KCNH7: variants seen among roughly 807,000 people sequenced by gnomAD.
KCNH7 encodes the protein potassium voltage-gated channel subfamily H member 7.
KCNH7 carries 49 observed loss-of-function variants against 120.8 expected under a neutral mutation model. That is an observed-to-expected ratio of 0.41 (90% CI 0.32 to 0.51). The LOEUF is 0.51. KCNH7 is among the 20% of genes least tolerant of loss of function. The probability of loss-of-function intolerance (pLI) is 0.38; values close to 1 mark genes in which losing one functional copy is unlikely to be tolerated. For synonymous variants in KCNH7, 547 were observed against 516.1 expected, an observed-to-expected ratio of 1.06 and a Z score of -0.81; for missense variants, 1,097 against 1,446.6, an observed-to-expected ratio of 0.76 and a Z score of 3.92.
intron 2 of KCNH7, among the ~76,000 whole-genome samples, chr2:162,559,987 C>A (rs973974552): frequency 2.0e-5 from 3 of 152,098 alleles, no homozygotes; most frequent in African/African-American, 7.2e-5. Flanking sequence ...AGTGGGCATT[C>A]GTATTAGTTT....
chr2:162,381,812 G>T lies in KCNH7; in HGVS notation c.2963-1791C>A, dbSNP rs75684050. Among the ~76,000 whole-genome samples the T allele has an allele frequency of 2.2e-3, 338 of 152,188 alleles. 1 individual carries two copies. Among genetic ancestry groups the T allele is most frequent in the Non-Finnish European group, 4.0e-3 (269 of 67,986 alleles). On this transcript the variant is annotated intron_variant, in intron 13 of 15. Coordinates refer to ENST00000332142, the MANE Select transcript of KCNH7 (RefSeq NM_033272.4). Reference sequence around the variant, plus strand: ...TGCTGGAGTTTTAAGTCACTTATCTGCAGATTTTCACTGAGAAGTATGATT... The same window carrying T: ...TGCTGGAGTTTTAAGTCACTTATCTTCAGATTTTCACTGAGAAGTATGATT...
chr2:162,484,849 A>C (rs999961648), intron 6 of KCNH7, among the ~76,000 whole-genome samples: 19 of 152,210 alleles, frequency 1.2e-4, no homozygotes, highest in African/African-American at 4.6e-4. Context: ...ATCTCTGTGC[A>C]TGTTGGCTCC....
At chr2:162,547,364 A>G (rs1319399071) in intron 2 of KCNH7, among the ~76,000 whole-genome samples, 1 of 152,164 alleles carries the variant, frequency 6.6e-6, no homozygotes, top group Non-Finnish European at 1.5e-5. Context: ...TCTGAGGCTG[A>G]AGGAGAGCAT....
intron 2 of KCNH7, among the ~76,000 whole-genome samples, chr2:162,641,903 A>G (rs1179948372): frequency 6.6e-6 from 1 of 152,116 alleles, no homozygotes; most frequent in Non-Finnish European, 1.5e-5. Context: ...AAATATGAAC[A>G]TAGAGTCTGA....
intron 12 of KCNH7, among the ~76,000 whole-genome samples, chr2:162,389,888 G>A (rs1056660526): frequency 2.0e-5 from 3 of 151,900 alleles, no homozygotes; most frequent in African/African-American, 7.2e-5. Context: ...CAATTCAGAG[G>A]GAATTTCTAT....
chr2:162,584,902 T>G (rs986879721), intron 2 of KCNH7, among the ~76,000 whole-genome samples: 1 of 99,738 alleles, frequency 1.0e-5, no homozygotes, highest in African/African-American at 4.7e-5. Flanking sequence ...AATCCCCAGC[T>G]TTTTTTTTTT....
intron 2 of KCNH7, among the ~76,000 whole-genome samples, chr2:162,625,877 A>G (rs563023431): frequency 1.3e-5 from 2 of 152,100 alleles, no homozygotes; most frequent in African/African-American, 4.8e-5. Context: ...CACCTGGGGG[A>G]AAGAGACTTC....
At chr2:162,788,785 C>T (rs770776816) in intron 2 of KCNH7, among the ~76,000 whole-genome samples, 2 of 151,428 alleles carry the variant, frequency 1.3e-5, no homozygotes, top group African/African-American at 2.4e-5. Flanking sequence ...GTAAATTACC[C>T]CAAATAGATC....
intron 8 of KCNH7, among the ~76,000 whole-genome samples, chr2:162,428,010 C>T (rs1019852185): frequency 6.6e-6 from 1 of 151,618 alleles, no homozygotes; most frequent in Non-Finnish European, 1.5e-5. Context: ...GACTTCTGCT[C>T]TTATATCTAT....
At chr2:162,598,713 A>G (rs1440855258) in intron 2 of KCNH7, among the ~76,000 whole-genome samples, 1 of 152,162 alleles carries the variant, frequency 6.6e-6, no homozygotes, top group Admixed American at 6.6e-5. Context: ...AGATTAGGTC[A>G]AAAGTTCTTT....
chr2:162,608,792 T>C (rs1682865926), intron 2 of KCNH7, among the ~76,000 whole-genome samples: 1 of 152,196 alleles, frequency 6.6e-6, no homozygotes. Flanking sequence ...GTCTACCTCA[T>C]ACACCTGGCA....
chr2:162,381,754 C>T (rs947814330), intron 13 of KCNH7, among the ~76,000 whole-genome samples: 1 of 152,034 alleles, frequency 6.6e-6, no homozygotes, highest in Non-Finnish European at 1.5e-5. Flanking sequence ...TTTTATGAAA[C>T]ATGGCAAAAT....
At chr2:162,757,629 T>G (rs983753090) in intron 2 of KCNH7, among the ~76,000 whole-genome samples, 1 of 152,104 alleles carries the variant, frequency 6.6e-6, no homozygotes, top group African/African-American at 2.4e-5. Context: ...GGAACTGCCA[T>G]GCACAGATAC....
chr2:162,755,597 G>A (rs1050901538), intron 2 of KCNH7, among the ~76,000 whole-genome samples: 19 of 152,132 alleles, frequency 1.2e-4, no homozygotes, highest in Non-Finnish European at 1.2e-4. Flanking sequence ...CTGTGTGATC[G>A]TGGGCTTTAT....
intron 2 of KCNH7, among the ~76,000 whole-genome samples, chr2:162,690,725 A>G (rs971374111): frequency 6.2e-5 from 7 of 113,098 alleles, no homozygotes; most frequent in Admixed American, 1.5e-4. Context: ...GAAGGAAGGG[A>G]AGCAATATAC....
chr2:162,777,271 G>T (rs1683276181), intron 2 of KCNH7, among the ~76,000 whole-genome samples: 1 of 151,928 alleles, frequency 6.6e-6, no homozygotes, highest in African/African-American at 2.4e-5. Flanking sequence ...ACATGACCTA[G>T]GCATATCCTG....
At chr2:162,600,779 C>T (rs73026691) in intron 2 of KCNH7, among the ~76,000 whole-genome samples, 4,273 of 152,136 alleles carry the variant, frequency 0.028, 223 homozygotes, top group African/African-American at 0.098. Flanking sequence ...TTCTGGGTCC[C>T]TGTTTTGTTA....
intron 8 of KCNH7, among the ~76,000 whole-genome samples, chr2:162,429,406 A>C (rs1358670570): frequency 3.8e-5 from 1 of 26,180 alleles, no homozygotes; most frequent in Admixed American, 4.5e-4. Context: ...TTTTTTTTTT[A>C]CTCACACATT....
At chr2:162,571,172 A>C (rs1432329318) in intron 2 of KCNH7, among the ~76,000 whole-genome samples, 1 of 151,776 alleles carries the variant, frequency 6.6e-6, no homozygotes, top group Admixed American at 6.6e-5. Context: ...AAAATCTCCT[A>C]AAGCTGATAA....
Sources: allele counts gnomAD v4.1 joint callset (sites outside exome capture counted in the v4.1 genomes callset), GRCh38; gene constraint gnomAD v4.1.1; transcripts MANE v1.5; gene names NCBI Gene and HGNC (gene_info 2026-07-23, HGNC 2026-07-21).